Variants in PTPN14 observed in about 807,000 individuals in gnomAD.
PTPN14 encodes protein tyrosine phosphatase non-receptor type 14.
Under a neutral mutation model 126.8 loss-of-function variants are expected in PTPN14, and 53 were observed. The observed-to-expected ratio is 0.42, with a 90% confidence interval of 0.34 to 0.53. The LOEUF is 0.53. Ranked by LOEUF, PTPN14 falls within the 20% of genes least tolerant of loss-of-function variation. The pLI, the probability that PTPN14 is intolerant of heterozygous loss-of-function variation, is 0.08. For missense variants in PTPN14, 1,257 were observed against 1,552.9 expected, an observed-to-expected ratio of 0.81 and a Z score of 3.20; for synonymous variants, 630 against 599.3, an observed-to-expected ratio of 1.05 and a Z score of -0.75.
At chr1:214,453,547 T>C (rs1660316587) in intron 2 of PTPN14, among the ~76,000 whole-genome samples, 1 of 150,618 alleles carries the variant, frequency 6.6e-6, no homozygotes, top group Non-Finnish European at 1.5e-5. Flanking sequence ...GTCAATCACC[T>C]GCATGGCACA....
Position 214,384,633 on chromosome 1 carries a change from G to A in PTPN14, c.1222C>T (p.Pro408Ser), listed in dbSNP as rs746776069. ...NCSQSFIQAS[P>S]VSSNLSIPGS... ...GGGATACTGAGGTTGGAGGATACAG[G>A]GGAGGCCTGGATGAAACTTTGCGAG... Residue 408 changes from proline to serine, a missense_variant, in exon 13 of 19, where the codon CCT becomes TCT. This residue lies in a region of PTPN14 where 1,021 missense variants were observed against 1,183.3 expected (regional missense o/e 0.86). Transcript: ENST00000366956. This position sits in a 1 kb window ranked among gnomAD's most constrained non-coding sequence, Gnocchi z 5.3. The A allele has an allele frequency of 1.5e-5, 24 of 1,614,044 alleles. No individual in the cohort carries two copies. Among genetic ancestry groups the A allele is most frequent in the Non-Finnish European group, 1.9e-5 (23 of 1,180,052 alleles).
chr1:214,378,250 T>A, intron 13 of PTPN14, 148 bp from the exon 14 acceptor site: 2 of 1,084,764 alleles, frequency 1.8e-6, no homozygotes, highest in Non-Finnish European at 2.5e-6. Flanking sequence ...GCCTTCCCAC[T>A]ATTCCCACTG....
chr1:214,531,499 A>ACACACACACACACAC lies in PTPN14; in HGVS notation c.-155+19683_-155+19684insGTGTGTGTGTGTGTG, dbSNP rs1655545929. On this transcript the variant is annotated intron_variant, in intron 1 of 18. Transcript: ENST00000366956. ...AAAACCCATCTCTACAACCCAGCCTAACACACACACACACACACACACACA... is the reference window on the plus strand; with the variant it reads ...AAAACCCATCTCTACAACCCAGCCTACACACACACACACACACACACACACACACACACACACACA... 93 of 129,614 alleles carry ACACACACACACACAC rather than the reference A, an allele frequency of 7.2e-4. 1 individual carries two copies. The highest frequency in any genetic ancestry group is 2.7e-3 in the African/African-American group (89 of 33,232). 8.0% of individuals were successfully genotyped at this position (129,614 alleles called of 1,614,324 possible). A position where few individuals can be genotyped will look rare whatever the true frequency, so the allele number is the denominator to read the frequency against.
chr1:214,391,032 G>A lies in PTPN14; in HGVS notation c.943C>T (p.Pro315Ser). Residue 315 changes from proline (P) to serine (S), a missense_variant, in exon 11 of 19, where the codon CCA becomes TCA. Coordinates refer to ENST00000366956, the MANE Select transcript of PTPN14 (RefSeq NM_005401.5). Reference protein sequence around the residue: ...NKICTEQSNSPPPIRRQPTWS... With the variant: ...NKICTEQSNSSPPIRRQPTWS... Reference sequence around the variant, plus strand: ...GTGGGCTGGCGTCTGATGGGGGGTGGAGAATTTGACTGTCTACATGAAGAG... The same window carrying A: ...GTGGGCTGGCGTCTGATGGGGGGTGAAGAATTTGACTGTCTACATGAAGAG... The A allele has an allele frequency of 6.3e-7, 1 of 1,586,456 alleles. No homozygotes were observed. The highest frequency in any genetic ancestry group is 1.2e-5 in the South Asian group (1 of 86,606).
intron 1 of PTPN14, among the ~76,000 whole-genome samples, chr1:214,493,650 T>C (rs1279720791): frequency 1.3e-5 from 2 of 152,226 alleles, no homozygotes; most frequent in African/African-American, 4.8e-5. Flanking sequence ...CTTTTATACA[T>C]AACTGTAATC....
intron 3 of PTPN14, among the ~76,000 whole-genome samples, chr1:214,448,461 G>T (rs1660198182): frequency 6.6e-6 from 1 of 150,404 alleles, no homozygotes; most frequent in African/African-American, 2.5e-5. Context: ...AGCCAGGATG[G>T]TCTCGATCTC....
At chr1:214,519,369 T>C (rs545658457) in intron 1 of PTPN14, among the ~76,000 whole-genome samples, 1 of 152,308 alleles carries the variant, frequency 6.6e-6, no homozygotes, top group Admixed American at 6.5e-5. Flanking sequence ...ATGATCTGAT[T>C]GAGTCTGTTC....
At chr1:214,490,930 G>A (rs546749219) in intron 1 of PTPN14, among the ~76,000 whole-genome samples, 37 of 88,494 alleles carry the variant, frequency 4.2e-4, no homozygotes, top group African/African-American at 1.6e-3. Flanking sequence ...AAGAAAGGAA[G>A]GAAAGAAAGA....
chr1:214,390,791 C>G (rs1307312811), intron 11 of PTPN14, among the ~76,000 whole-genome samples, 197 bp downstream of exon 11: 3 of 152,164 alleles, frequency 2.0e-5, no homozygotes, highest in Non-Finnish European at 4.4e-5. Context: ...CTCAGCCACA[C>G]TTAGAGTAGT....
At chr1:214,542,567 C>A (rs930305876) in intron 1 of PTPN14, among the ~76,000 whole-genome samples, 1 of 152,084 alleles carries the variant, frequency 6.6e-6, no homozygotes, top group Non-Finnish European at 1.5e-5. Flanking sequence ...ACACAGGGCA[C>A]AGTGAGGTCA....
intron 4 of PTPN14, among the ~76,000 whole-genome samples, chr1:214,413,538 T>C (rs1424236873): frequency 6.6e-6 from 1 of 152,126 alleles, no homozygotes; most frequent in Admixed American, 6.5e-5. Context: ...AAAACAACAG[T>C]CCATGCAGGA....
At chr1:214,536,793 A>C (rs938972192) in intron 1 of PTPN14, among the ~76,000 whole-genome samples, 1 of 152,252 alleles carries the variant, frequency 6.6e-6, no homozygotes, top group Non-Finnish European at 1.5e-5. Context: ...TTATGTCTAC[A>C]CATGAACATT....
chr1:214,449,151 C>T (rs1181882641), intron 3 of PTPN14, among the ~76,000 whole-genome samples: 3 of 150,876 alleles, frequency 2.0e-5, no homozygotes, highest in South Asian at 2.1e-4. Context: ...GGACTACAGG[C>T]GCCCACCACC....
intron 1 of PTPN14, chr1:214,532,490 C>T (rs901838447): frequency 7.9e-6 from 7 of 883,120 alleles, no homozygotes; most frequent in South Asian, 3.9e-5. Flanking sequence ...GCCTGGAGAT[C>T]GAGAACTGGA....
intron 3 of PTPN14, among the ~76,000 whole-genome samples, chr1:214,429,846 A>C (rs1571994970): frequency 6.6e-6 from 1 of 152,188 alleles, no homozygotes; most frequent in African/African-American, 2.4e-5. Context: ...ATTTTTTCAA[A>C]ACAGGGTTTT....
At chr1:214,494,708 T>G (rs1571621780) in intron 1 of PTPN14, among the ~76,000 whole-genome samples, 1 of 152,148 alleles carries the variant, frequency 6.6e-6, no homozygotes, top group Admixed American at 6.5e-5. Context: ...GCTAACAAAA[T>G]GTTTGGACGT....
intron 1 of PTPN14, among the ~76,000 whole-genome samples, chr1:214,490,971 A>G (rs1316643597): frequency 1.6e-5 from 1 of 63,326 alleles, no homozygotes; most frequent in Non-Finnish European, 4.8e-5. Flanking sequence ...GAAGGAAGGG[A>G]AGGAAAGGAA....
chr1:214,476,389 G>A (rs576108992), intron 1 of PTPN14, among the ~76,000 whole-genome samples: 11 of 152,282 alleles, frequency 7.2e-5, no homozygotes, highest in African/African-American at 2.2e-4. Flanking sequence ...GGAGAGGTGC[G>A]CCCTGCAGGG....
chr1:214,393,871 C>T (rs779968760), intron 9 of PTPN14, 94 bp from the exon 10 acceptor site: 75 of 999,988 alleles, frequency 7.5e-5, no homozygotes, highest in Middle Eastern at 3.0e-4. Context: ...CACATCCCTT[C>T]CAACCTTCAT....
Sources: gnomAD v4.1 joint callset for allele counts (sites outside exome capture counted in the v4.1 genomes callset) on GRCh38, gnomAD v4.1.1 for gene constraint, gnomAD v4.1.1 regional missense constraint, Gnocchi (gnomAD v3.1) non-coding constraint, MANE v1.5 for transcripts, NCBI Gene and HGNC (gene_info 2026-07-23, HGNC 2026-07-21) for gene names.